The following HYAL4 variants were observed in gnomAD, a reference collection of about 807,000 sequenced individuals.
HYAL4 encodes the protein hyaluronidase 4.
In HYAL4, 37 loss-of-function variants were observed where a neutral mutation model predicts 35.2. The ratio of observed to expected loss-of-function variants is 1.05; its 90% confidence interval spans 0.81 to 1.38. The LOEUF is 1.38. Ranked by LOEUF, HYAL4 falls within the 40% of genes most tolerant of loss-of-function variation. The probability of loss-of-function intolerance (pLI) is 0.00; values close to 1 mark genes in which losing one functional copy is unlikely to be tolerated. For synonymous variants in HYAL4, 198 were observed against 203.2 expected (o/e 0.97, Z 0.22); for missense variants, 572 against 572.4 (o/e 1.00, Z 0.01).
chr7:123,775,485 A>G, the HYAL4 span, among the ~76,000 whole-genome samples: 1 of 152,136 alleles, frequency 6.6e-6, no homozygotes, highest in Non-Finnish European at 1.5e-5. Context: ...CCTATTTTAT[A>G]TTCCATACTA....
At chr7:123,793,689 C>T in the HYAL4 span, among the ~76,000 whole-genome samples, 1 of 152,142 alleles carries the variant, frequency 6.6e-6, no homozygotes, top group Non-Finnish European at 1.5e-5. Context: ...TTGTAAGTTT[C>T]CTGAAGCTTC....
the HYAL4 span, among the ~76,000 whole-genome samples, chr7:123,778,062 C>A: frequency 6.6e-6 from 1 of 151,952 alleles, no homozygotes; most frequent in Non-Finnish European, 1.5e-5. Flanking sequence ...GTAAGAACAG[C>A]ACAAGACAAC....
chr7:123,809,456 C>T, the HYAL4 span, among the ~76,000 whole-genome samples: 33 of 140,686 alleles, frequency 2.3e-4, no homozygotes, highest in Non-Finnish European at 3.6e-4. Flanking sequence ...AGTGCTGTGG[C>T]GTGATCTCGG....
the HYAL4 span, among the ~76,000 whole-genome samples, chr7:123,819,627 C>T: frequency 1.2e-4 from 18 of 152,178 alleles, 1 homozygote; most frequent in African/African-American, 4.3e-4. Context: ...GTAGAAAGAG[C>T]ACAATCATTC....
At chr7:123,792,685 G>T in the HYAL4 span, among the ~76,000 whole-genome samples, 2 of 152,060 alleles carry the variant, frequency 1.3e-5, no homozygotes, top group African/African-American at 4.8e-5. Flanking sequence ...CCAGACTGCT[G>T]ATCTCTTGCT....
At chr7:123,869,761 C>T (rs546125255) in intron 3 of HYAL4, among the ~76,000 whole-genome samples, 2 of 151,184 alleles carry the variant, frequency 1.3e-5, no homozygotes, top group African/African-American at 4.9e-5. Context: ...AATCTCGGCT[C>T]ACTGCACCCC....
upstream of HYAL4, among the ~76,000 whole-genome samples, chr7:123,826,297 T>A (rs1182495777): frequency 6.6e-6 from 1 of 151,722 alleles, no homozygotes; most frequent in Admixed American, 6.6e-5. Flanking sequence ...AGTGGAAAAA[T>A]GACTGAGAAG....
At chr7:123,768,589 A>C in the HYAL4 span, among the ~76,000 whole-genome samples, 8 of 152,182 alleles carry the variant, frequency 5.3e-5, no homozygotes, top group Non-Finnish European at 1.2e-4. Context: ...GTCAGTGTAC[A>C]CTGTACATCT....
At chr7:123,773,259 A>G in the HYAL4 span, among the ~76,000 whole-genome samples, 2 of 152,188 alleles carry the variant, frequency 1.3e-5, no homozygotes, top group Non-Finnish European at 1.5e-5. Flanking sequence ...CTTATATGGG[A>G]AAAAACATAT....
chr7:123,862,047 A>T (rs1425798068), intron 2 of HYAL4, among the ~76,000 whole-genome samples: 1 of 152,182 alleles, frequency 6.6e-6, no homozygotes, highest in Non-Finnish European at 1.5e-5. Context: ...CAAAAGAGAA[A>T]AAGTTCATCA....
chr7:123,784,996 A>G, the HYAL4 span, among the ~76,000 whole-genome samples: 1 of 152,228 alleles, frequency 6.6e-6, no homozygotes, highest in African/African-American at 2.4e-5. Flanking sequence ...GATCAAAACC[A>G]GCTGGATAAT....
chr7:123,813,582 T>A, the HYAL4 span, among the ~76,000 whole-genome samples: 3 of 152,234 alleles, frequency 2.0e-5, no homozygotes, highest in Non-Finnish European at 1.5e-5. Context: ...CCTATGCTAG[T>A]TCCAAGGGTA....
chr7:123,769,864 A>T, the HYAL4 span, among the ~76,000 whole-genome samples: 1 of 151,736 alleles, frequency 6.6e-6, no homozygotes, highest in Non-Finnish European at 1.5e-5. Flanking sequence ...TTGACCACTT[A>T]CTAATCCTGG....
Position 123,876,769 on chromosome 7 carries a change from G to T in HYAL4, c.1060G>T (p.Val354Leu), listed in dbSNP as rs1584930588. ...LTASKANCTK[V>L]KQFVSSDLGS... ...ACATTTCTAGGCCAACTGTACAAAG[G>T]TGAAGCAGTTTGTGAGTTCTGATTT... is the stretch of plus-strand genomic sequence containing the variant. The change falls in exon 5 of 5, where the codon GTG becomes TTG. Residue 354 changes from valine (V) to leucine (L), a missense_variant. By Grantham distance (32) the Val-to-Leu change is conservative. Coordinates refer to ENST00000223026, the MANE Select transcript of HYAL4 (RefSeq NM_012269.3). The T allele has an allele frequency of 2.5e-6, 4 of 1,613,566 alleles. No individual in the cohort carries two copies. The highest frequency in any genetic ancestry group is 3.4e-6 in the Non-Finnish European group (4 of 1,179,528).
At chr7:123,765,261 TTGTC>T in the HYAL4 span, among the ~76,000 whole-genome samples, 1 of 151,844 alleles carries the variant, frequency 6.6e-6, no homozygotes, top group Admixed American at 6.6e-5. Context: ...CAGAGATGCT[TTGTC>T]TGTATAGAAA....
intron 2 of HYAL4, among the ~76,000 whole-genome samples, chr7:123,853,811 C>T (rs1249800621): frequency 6.6e-6 from 1 of 152,124 alleles, no homozygotes; most frequent in Admixed American, 6.6e-5. Flanking sequence ...GGTACCAGCT[C>T]CTCTTTGTAC....
At chr7:123,827,460 C>T (rs932662102), upstream of HYAL4, among the ~76,000 whole-genome samples, 1 of 152,066 alleles carries the variant, frequency 6.6e-6, no homozygotes, top group Non-Finnish European at 1.5e-5. Flanking sequence ...TCCTTCCCAA[C>T]TGCCCTTTTC....
the HYAL4 span, among the ~76,000 whole-genome samples, chr7:123,797,577 T>G: frequency 1.3e-5 from 2 of 152,142 alleles, no homozygotes; most frequent in Non-Finnish European, 2.9e-5. Context: ...AACAAATAAA[T>G]CAAGTAGATA....
At chr7:123,808,106 C>A in the HYAL4 span, among the ~76,000 whole-genome samples, 7 of 151,644 alleles carry the variant, frequency 4.6e-5, no homozygotes, top group South Asian at 4.2e-4. Flanking sequence ...GCAAACAAGA[C>A]CCTCCATAAA....
Sources: gnomAD v4.1 joint callset for allele counts (sites outside exome capture counted in the v4.1 genomes callset) on GRCh38, gnomAD v4.1.1 for gene constraint, MANE v1.5 for transcripts, NCBI Gene and HGNC (gene_info 2026-07-23, HGNC 2026-07-21) for gene names.